Variants in ITPR2 observed in about 807,000 individuals in gnomAD.
ITPR2 encodes inositol 1,4,5-trisphosphate receptor type 2, also known as inositol 1,4,5-trisphosphate-gated calcium channel ITPR2.
Under a neutral mutation model 317.1 loss-of-function variants are expected in ITPR2, and 207 were observed. That is an observed-to-expected ratio of 0.65 (90% CI 0.58 to 0.73). The LOEUF is 0.73. ITPR2 is among the 30% of genes least tolerant of loss of function. ITPR2 has a pLI of 0.00. For missense variants in ITPR2, 2,613 were observed against 3,284.0 expected, an observed-to-expected ratio of 0.80 and a Z score of 4.99; for synonymous variants, 1,156 against 1,149.1, an observed-to-expected ratio of 1.01 and a Z score of -0.12.
At chr12:26,365,544 T>G (rs1259546767) in intron 55 of ITPR2, among the ~76,000 whole-genome samples, 1 of 152,186 alleles carries the variant, frequency 6.6e-6, no homozygotes, top group African/African-American at 2.4e-5. Flanking sequence ...TATAAGTAAG[T>G]TTACCATTTT....
At chr12:26,558,550 A>T (rs1022747074) in intron 35 of ITPR2, among the ~76,000 whole-genome samples, 1 of 152,130 alleles carries the variant, frequency 6.6e-6, no homozygotes, top group Non-Finnish European at 1.5e-5. Flanking sequence ...AATCACTCCT[A>T]ACCATTTTAC....
chr12:26,796,442 G>A (rs1225048834), intron 1 of ITPR2, among the ~76,000 whole-genome samples: 1 of 152,138 alleles, frequency 6.6e-6, no homozygotes, highest in Non-Finnish European at 1.5e-5. Context: ...AAAAAGTAAG[G>A]TAAGAAAAAA....
chr12:26,567,950 T>TA (rs1230823190), intron 34 of ITPR2, among the ~76,000 whole-genome samples: 1 of 112,210 alleles, frequency 8.9e-6, no homozygotes, highest in South Asian at 2.6e-4. Context: ...TATATATATA[T>TA]TATATATATA....
intron 55 of ITPR2, among the ~76,000 whole-genome samples, chr12:26,351,444 G>C (rs770919203): frequency 6.6e-6 from 1 of 152,224 alleles, no homozygotes; most frequent in Non-Finnish European, 1.5e-5. Flanking sequence ...TGTCAAGCGG[G>C]AAACATTCTG....
chr12:26,494,514 A>G (rs1942888075), intron 38 of ITPR2, among the ~76,000 whole-genome samples, 174 bp from the exon 39 acceptor site: 1 of 152,142 alleles, frequency 6.6e-6, no homozygotes, highest in Admixed American at 6.5e-5. Flanking sequence ...TCACGCCTGT[A>G]ATCCCAGCAC....
At chr12:26,826,987 T>C (rs1240992191) in intron 1 of ITPR2, among the ~76,000 whole-genome samples, 1 of 151,944 alleles carries the variant, frequency 6.6e-6, no homozygotes, top group Non-Finnish European at 1.5e-5. Flanking sequence ...AATCCTAGTA[T>C]AGAAAAAATG....
chr12:26,435,358 C>T (rs964483583), intron 48 of ITPR2, among the ~76,000 whole-genome samples: 6 of 151,952 alleles, frequency 3.9e-5, no homozygotes, highest in African/African-American at 7.3e-5. Flanking sequence ...ATTCTAAATG[C>T]TTTACCTATA....
intron 2 of ITPR2, among the ~76,000 whole-genome samples, chr12:26,778,078 C>A (rs889869560): frequency 1.3e-5 from 2 of 152,124 alleles, no homozygotes; most frequent in Admixed American, 1.3e-4. Flanking sequence ...AGGAGTCATC[C>A]TATGGTCATT....
At chr12:26,437,113 A>T (rs1417096900) in intron 47 of ITPR2, among the ~76,000 whole-genome samples, 1 of 152,226 alleles carries the variant, frequency 6.6e-6, no homozygotes, top group South Asian at 2.1e-4. Context: ...ACCTCTGTTA[A>T]ATAACTGAAC....
chr12:26,573,344 A>G (rs898552541), intron 34 of ITPR2, among the ~76,000 whole-genome samples: 2 of 152,192 alleles, frequency 1.3e-5, no homozygotes, highest in Non-Finnish European at 2.9e-5. Context: ...CTCCCAGCCT[A>G]TGGATTATTG....
At position 26,599,248 on chromosome 12, in the gene ITPR2, A is replaced by G. The variant is rs372508215; in HGVS notation, c.3899T>C (p.Ile1300Thr). 1.9e-6 allele frequency: 3 copies of G among 1,613,926 alleles called. No individual in the cohort carries two copies. Among genetic ancestry groups the G allele is most frequent in the Non-Finnish European group, 2.5e-6 (3 of 1,179,914 alleles). ...ERVVQHFVHC[I>T]ETHGRHVEYL... is the part of the protein sequence containing the mutation. ...CTCCACGTGGCGGCCATGTGTCTCA[A>G]TGCAGTGCACAAAGTGTTGTACAAC... Residue 1300 changes from isoleucine to threonine, a missense_variant, in exon 30 of 57, where the codon ATT becomes ACT. Ile to Thr is a moderately conservative substitution (Grantham distance 89, BLOSUM62 -1). Coordinates refer to ENST00000381340, the MANE Select transcript of ITPR2 (RefSeq NM_002223.4).
chr12:26,613,250 T>G (rs1169152973), intron 26 of ITPR2, among the ~76,000 whole-genome samples: 1 of 152,170 alleles, frequency 6.6e-6, no homozygotes, highest in African/African-American at 2.4e-5. Context: ...GTGTGACCAT[T>G]CATGTTGCCC....
At chr12:26,686,824 C>T (rs1948136466) in intron 10 of ITPR2, among the ~76,000 whole-genome samples, 192 bp from the exon 11 acceptor site, 1 of 152,122 alleles carries the variant, frequency 6.6e-6, no homozygotes, top group Non-Finnish European at 1.5e-5. Flanking sequence ...ATGATGAGTC[C>T]CACACTCCTA....
At chr12:26,648,611 G>A (rs370662094) in intron 21 of ITPR2, 54 of 143,992 alleles carry the variant, frequency 3.8e-4, no homozygotes, top group Admixed American at 8.3e-4. Flanking sequence ...GAGTCCATAT[G>A]AAAAAAAAAA....
chr12:26,743,832 G>A (rs1043327899), intron 2 of ITPR2, among the ~76,000 whole-genome samples: 19 of 152,078 alleles, frequency 1.2e-4, no homozygotes, highest in African/African-American at 4.6e-4. Flanking sequence ...CGGAGGTTGA[G>A]GTGAGCCGAG....
chr12:26,720,160 A>T (rs1490851714), intron 5 of ITPR2, among the ~76,000 whole-genome samples: 1 of 152,204 alleles, frequency 6.6e-6, no homozygotes, highest in Non-Finnish European at 1.5e-5. Flanking sequence ...GCTATATCAT[A>T]AAGTTGCCCT....
At chr12:26,361,219 A>AG in intron 55 of ITPR2, among the ~76,000 whole-genome samples, 1 of 151,740 alleles carries the variant, frequency 6.6e-6, no homozygotes, top group South Asian at 2.1e-4. Flanking sequence ...CCAAAAAAAA[A>AG]AAAAATGTTA....
Position 26,425,359 on chromosome 12 carries a change from A to T in ITPR2, c.6945+2554T>A, listed in dbSNP as rs1592011802. On this transcript the variant is annotated intron_variant, in intron 49 of 56. Coordinates refer to ENST00000381340, the MANE Select transcript of ITPR2 (RefSeq NM_002223.4). ...ATGTGTTTGTCCCAAATTAAAGTTGATTTTTTTTTGGTCAAAATGCTCTGA... is the reference window on the plus strand; with the variant it reads ...ATGTGTTTGTCCCAAATTAAAGTTGTTTTTTTTTTGGTCAAAATGCTCTGA... Among the ~76,000 whole-genome samples the T allele has an allele frequency of 2.0e-5, 3 of 151,668 alleles. No homozygotes were observed. In the South Asian group the frequency reaches 6.2e-4, roughly 32 times the overall value.
At chr12:26,502,625 ATTTC>A (rs1943095070) in intron 37 of ITPR2, among the ~76,000 whole-genome samples, 1 of 152,184 alleles carries the variant, frequency 6.6e-6, no homozygotes, top group African/African-American at 2.4e-5. Flanking sequence ...TCAAGAGGTA[ATTTC>A]AAAGCTTCTG....
Sources: gnomAD v4.1 joint callset for allele counts (sites outside exome capture counted in the v4.1 genomes callset) on GRCh38, gnomAD v4.1.1 for gene constraint, MANE v1.5 for transcripts, NCBI Gene and HGNC (gene_info 2026-07-23, HGNC 2026-07-21) for gene names.